The following CNBD1 variants were observed in gnomAD, a reference collection of about 807,000 sequenced individuals.
CNBD1 encodes the protein cyclic nucleotide-binding domain-containing protein 1.
A neutral mutation model predicts 54.4 loss-of-function variants in CNBD1; 71 were observed. The ratio of observed to expected loss-of-function variants is 1.30; its 90% CI spans 1.08 to 1.59. The LOEUF is 1.59. Ranked by LOEUF, CNBD1 falls within the 40% of genes most tolerant of loss-of-function variation. The pLI is 0.00. For synonymous variants in CNBD1, 182 were observed against 170.7 expected (o/e 1.07, Z -0.51); for missense variants, 659 against 518.0 (o/e 1.27, Z -2.64).
chr8:86,976,551 G>GT (rs888583714), intron 4 of CNBD1, among the ~76,000 whole-genome samples: 2 of 151,856 alleles, frequency 1.3e-5, no homozygotes, highest in Non-Finnish European at 2.9e-5. Context: ...TATTAGAATA[G>GT]TTTTTTTCTA....
intron 5 of CNBD1, among the ~76,000 whole-genome samples, chr8:87,218,774 A>G (rs548710330): frequency 6.6e-6 from 1 of 151,998 alleles, no homozygotes; most frequent in Non-Finnish European, 1.5e-5. Context: ...ATGGAGCTAA[A>G]ATTGTCCCTG....
chr8:86,899,166 G>A (rs1808894682), intron 2 of CNBD1, among the ~76,000 whole-genome samples: 1 of 152,090 alleles, frequency 6.6e-6, no homozygotes, highest in Non-Finnish European at 1.5e-5. Context: ...CTAGGGGCAA[G>A]GGTGAAGGGA....
intron 4 of CNBD1, among the ~76,000 whole-genome samples, chr8:87,191,939 C>T (rs2130786462): frequency 6.6e-6 from 1 of 152,166 alleles, no homozygotes; most frequent in East Asian, 1.9e-4. Context: ...TAGAGATTTT[C>T]CTAAATTTGA....
At chr8:86,946,336 A>C (rs1341274414) in intron 4 of CNBD1, among the ~76,000 whole-genome samples, 4 of 152,174 alleles carry the variant, frequency 2.6e-5, no homozygotes, top group Non-Finnish European at 5.9e-5. Flanking sequence ...GAAAATTTTC[A>C]TACAGCAGTT....
intron 4 of CNBD1, among the ~76,000 whole-genome samples, chr8:87,089,072 TAA>T (rs771249788): frequency 1.3e-5 from 2 of 151,864 alleles, no homozygotes; most frequent in Non-Finnish European, 2.9e-5. Context: ...GCTTAGTTGA[TAA>T]AAAAGAGAAA....
At chr8:86,950,069 T>C (rs1319563217) in intron 4 of CNBD1, among the ~76,000 whole-genome samples, 118 of 88,046 alleles carry the variant, frequency 1.3e-3, no homozygotes, top group African/African-American at 5.3e-3. Flanking sequence ...TTTTTTTTTT[T>C]TTTTTTTTTT....
intron 8 of CNBD1, among the ~76,000 whole-genome samples, chr8:87,321,803 CTTTTT>C (rs765165524): frequency 1.1e-5 from 1 of 89,012 alleles, no homozygotes; most frequent in Admixed American, 1.1e-4. Context: ...TTTTCTTTTT[CTTTTT>C]TTTTTTTTTT....
intron 4 of CNBD1, among the ~76,000 whole-genome samples, chr8:87,154,115 A>G (rs964819702): frequency 6.6e-5 from 10 of 152,168 alleles, no homozygotes; most frequent in Middle Eastern, 3.2e-3. Context: ...TTCTAGGATT[A>G]TTTATCAAAT....
chr8:87,109,687 C>T (rs766703635), intron 4 of CNBD1, among the ~76,000 whole-genome samples: 33 of 151,476 alleles, frequency 2.2e-4, no homozygotes, highest in Non-Finnish European at 3.4e-4. Context: ...TACAGGCGCC[C>T]GCCACCACAC....
chr8:86,951,178 A>G (rs1807608877), intron 4 of CNBD1, among the ~76,000 whole-genome samples: 1 of 152,210 alleles, frequency 6.6e-6, no homozygotes, highest in African/African-American at 2.4e-5. Flanking sequence ...CTAAAAGAAA[A>G]ATTATTAAAT....
intron 3 of CNBD1, among the ~76,000 whole-genome samples, chr8:86,912,326 C>T (rs1809112377): frequency 6.6e-6 from 1 of 152,090 alleles, no homozygotes; most frequent in Admixed American, 6.6e-5. Context: ...GTGGCAGAAG[C>T]TAAGGGGAAA....
chr8:87,034,135 C>A (rs1210381179), intron 4 of CNBD1, among the ~76,000 whole-genome samples: 1 of 152,254 alleles, frequency 6.6e-6, no homozygotes, highest in Middle Eastern at 3.4e-3. Flanking sequence ...ATGCTGTATT[C>A]ATTTATCTTG....
chr8:87,116,958 T>C (rs1811784823), intron 4 of CNBD1, among the ~76,000 whole-genome samples: 1 of 152,232 alleles, frequency 6.6e-6, no homozygotes, highest in Non-Finnish European at 1.5e-5. Flanking sequence ...CTTTCTGTTT[T>C]TCTTACCAGA....
At chr8:86,899,710 G>C (rs1808904221) in intron 2 of CNBD1, among the ~76,000 whole-genome samples, 1 of 152,126 alleles carries the variant, frequency 6.6e-6, no homozygotes, top group Non-Finnish European at 1.5e-5. Flanking sequence ...CTTTCCAGGT[G>C]ATCTTTCTGT....
intron 4 of CNBD1, among the ~76,000 whole-genome samples, chr8:86,976,271 G>A (rs1029196084): frequency 2.3e-5 from 3 of 131,336 alleles, no homozygotes; most frequent in Non-Finnish European, 4.7e-5. Context: ...TTGTCGTCTA[G>A]ACTTTTTGGG....
At chr8:87,421,225 TC>T (rs1398054396) in intron 2 of CNBD1, among the ~76,000 whole-genome samples, 2 of 151,924 alleles carry the variant, frequency 1.3e-5, no homozygotes, top group African/African-American at 2.4e-5. Flanking sequence ...ATTTTCCTTT[TC>T]TTTTTTATTT....
chr8:87,162,563 AC>A (rs1812879623), intron 4 of CNBD1, among the ~76,000 whole-genome samples: 1 of 152,132 alleles, frequency 6.6e-6, no homozygotes, highest in South Asian at 2.1e-4. Context: ...TTAATAAGAG[AC>A]AGATGCTGTC....
intron 8 of CNBD1, among the ~76,000 whole-genome samples, chr8:87,309,330 A>G (rs540106467): frequency 3.3e-5 from 5 of 152,240 alleles, no homozygotes; most frequent in African/African-American, 9.6e-5. Flanking sequence ...CTGCTTCTCC[A>G]TGCCACTGTA....
At chr8:87,162,515 G>A (rs1215292511) in intron 4 of CNBD1, among the ~76,000 whole-genome samples, 1 of 152,044 alleles carries the variant, frequency 6.6e-6, no homozygotes, top group Non-Finnish European at 1.5e-5. Context: ...TGTTTTCCCT[G>A]TTGATCATAA....
Sources: gnomAD v4.1 joint callset for allele counts (sites outside exome capture counted in the v4.1 genomes callset) on GRCh38, gnomAD v4.1.1 for gene constraint, MANE v1.5 for transcripts, NCBI Gene and HGNC (gene_info 2026-07-23, HGNC 2026-07-21) for gene names.